Variants in NAT2 observed in about 807,000 individuals in gnomAD.
NAT2 encodes arylamine N-acetyltransferase 2.
For missense variants in NAT2, 428 were observed against 339.1 expected, an observed-to-expected ratio of 1.26 and a Z score of -2.06; for synonymous variants, 137 against 125.9, an observed-to-expected ratio of 1.09 and a Z score of -0.59.
At chr8:18,396,909 T>G (rs1484059853) in intron 1 of NAT2, among the ~76,000 whole-genome samples, 4 of 152,176 alleles carry the variant, frequency 2.6e-5, no homozygotes, top group Admixed American at 1.3e-4. Flanking sequence ...GGTAAACTGC[T>G]AACAATGAAT....
At chr8:18,396,005 A>G (rs1585137009) in intron 1 of NAT2, among the ~76,000 whole-genome samples, 2 of 141,846 alleles carry the variant, frequency 1.4e-5, no homozygotes, top group East Asian at 4.1e-4. Flanking sequence ...ATCTTTCACT[A>G]TCTCTTAATA....
intron 1 of NAT2, 110 bp from the exon 2 acceptor site, chr8:18,399,888 T>C (rs1800756991): frequency 4.9e-6 from 6 of 1,222,202 alleles, no homozygotes; most frequent in African/African-American, 1.5e-5. Context: ...CAGATACTTA[T>C]AACCATTGTG....
upstream of NAT2, among the ~76,000 whole-genome samples, chr8:18,390,822 T>A (rs754820348): frequency 2.6e-5 from 4 of 152,010 alleles, no homozygotes; most frequent in Non-Finnish European, 4.4e-5. Flanking sequence ...GGTAGAGAAG[T>A]GAATGAGAGT....
chr8:18,390,447 AGAT>A (rs202212040), upstream of NAT2, among the ~76,000 whole-genome samples: 377 of 152,324 alleles, frequency 2.5e-3, 3 homozygotes, highest in Non-Finnish European at 2.1e-3. Flanking sequence ...CATGACAAAG[AGAT>A]GATAAATGTT....
intron 1 of NAT2, among the ~76,000 whole-genome samples, chr8:18,394,092 TAAAAG>T (rs893112510): frequency 7.9e-5 from 12 of 151,638 alleles, no homozygotes; most frequent in African/African-American, 2.2e-4. Context: ...TTTGGATAGA[TAAAAG>T]AAAAGTACAG....
intron 1 of NAT2, among the ~76,000 whole-genome samples, chr8:18,392,808 C>G (rs1800611942): frequency 6.6e-6 from 1 of 152,128 alleles, no homozygotes; most frequent in Non-Finnish European, 1.5e-5. Flanking sequence ...TGGCCAGAAA[C>G]AGGTAAATTA....
At chr8:18,397,866 A>C (rs977386926) in intron 1 of NAT2, among the ~76,000 whole-genome samples, 2 of 151,964 alleles carry the variant, frequency 1.3e-5, no homozygotes, top group Non-Finnish European at 2.9e-5. Flanking sequence ...GGCTCTGGCA[A>C]ATTTTTTTTT....
At chr8:18,395,951 CT>C (rs33992151) in intron 1 of NAT2, among the ~76,000 whole-genome samples, 1,662 of 134,466 alleles carry the variant, frequency 0.012, 9 homozygotes, top group African/African-American at 0.026. Flanking sequence ...CCCAACCCAT[CT>C]TTTTTTTTTT....
Position 18,400,625 on chromosome 8 carries a change from T to C in NAT2, c.622T>C (p.Tyr208His), listed in dbSNP as rs56387565. ...TGAAGATTTTGAGTCTATGAATACA[T>C]ACCTGCAGACGTCTCCAACATCTTC... ...TIEDFESMNT[Y>H]LQTSPTSSFI... Residue 208 changes from tyrosine (Y) to histidine (H), a missense_variant, in exon 2 of 2, where the codon TAC becomes CAC. Coordinates refer to ENST00000286479, the MANE Select transcript of NAT2 (RefSeq NM_000015.3). 86 of 1,614,024 alleles carry C rather than the reference T, an allele frequency of 5.3e-5. No homozygotes were observed. In the African/African-American group the frequency reaches 9.9e-4, roughly 19 times the overall value.
upstream of NAT2, chr8:18,387,905 C>T (rs1392092392): frequency 6.5e-6 from 1 of 152,730 alleles, no homozygotes; most frequent in African/African-American, 2.4e-5. Context: ...ATTCCCCCCT[C>T]CCCTCCACTT....
upstream of NAT2, among the ~76,000 whole-genome samples, chr8:18,386,817 C>T (rs1443813294): frequency 6.6e-6 from 1 of 152,168 alleles, no homozygotes; most frequent in African/African-American, 2.4e-5. Context: ...CTGGTTCACT[C>T]TTTCCCTAGG....
chr8:18,391,026 G>A (rs1355222064), upstream of NAT2, among the ~76,000 whole-genome samples: 1 of 152,132 alleles, frequency 6.6e-6, no homozygotes, highest in Non-Finnish European at 1.5e-5. Flanking sequence ...TCTGGCATCA[G>A]ACTTCCAGAG....
intron 1 of NAT2, among the ~76,000 whole-genome samples, chr8:18,395,713 T>A (rs180699126): frequency 7.6e-4 from 115 of 152,288 alleles, no homozygotes; most frequent in African/African-American, 2.6e-3. Context: ...GGTAATAGCT[T>A]TGGAGAGATT....
Position 18,400,534 on chromosome 8 carries a change from T to G in NAT2, c.531T>G (p.Asn177Lys), listed in dbSNP as rs757090914. ...EQYITNKEFL[N>K]SHLLPKKKHQ... ...ATATTACAAACAAAGAATTTCTTAA[T>G]TCTCATCTCCTGCCAAAGAAGAAAC... Residue 177 changes from asparagine (N) to lysine (K), a missense_variant, in exon 2 of 2, where the codon AAT becomes AAG. By Grantham distance (94) the Asn-to-Lys change is moderately conservative. Transcript: ENST00000286479. The G allele has an allele frequency of 1.9e-6, 3 of 1,612,850 alleles. No homozygotes were observed. The highest frequency in any genetic ancestry group is 4.5e-5 in the East Asian group (2 of 44,860).
rs1315180839 is a variant in NAT2 at position 18,400,507 on chromosome 8, G to A, written c.504G>A (p.Gln168=). ...ACCTGGACCAAATCAGGAGAGAGCA[G>A]TATATTACAAACAAAGAATTTCTTA... ...IWYLDQIRRE[Q]YITNKEFLNS... The change falls in exon 2 of 2, where the codon CAG becomes CAA. Residue 168 remains glutamine (Q), a synonymous_variant. Coordinates refer to ENST00000286479, the MANE Select transcript of NAT2 (RefSeq NM_000015.3). The A allele has an allele frequency of 1.3e-5, 21 of 1,613,532 alleles. No individual in the cohort carries two copies. Among genetic ancestry groups the A allele is most frequent in the Non-Finnish European group, 1.7e-5 (20 of 1,179,848 alleles).
chr8:18,394,650 T>C (rs1800652798), intron 1 of NAT2, among the ~76,000 whole-genome samples: 1 of 152,106 alleles, frequency 6.6e-6, no homozygotes, highest in African/African-American at 2.4e-5. Flanking sequence ...CTTTTACCCA[T>C]TACAGGCCAG....
chr8:18,391,445 T>A (rs1465798662), intron 1 of NAT2, 100 bp downstream of exon 1: 1 of 151,388 alleles, frequency 6.6e-6, no homozygotes, highest in Non-Finnish European at 1.5e-5. Context: ...GATCCCCTCT[T>A]GTCCTAGGCG....
At position 18,400,292 on chromosome 8, in the gene NAT2, C is replaced by T; in HGVS notation, c.289C>T (p.Pro97Ser). 6.2e-7 allele frequency: 1 copy of T among 1,613,700 alleles called. No homozygotes were observed. The highest frequency in any genetic ancestry group is 1.1e-5 in the South Asian group (1 of 91,020). The stretch of plus-strand genomic sequence containing the variant: ...GTTAGGAGGGTATTTTTACATCCCT[C>T]CAGTTAACAAATACAGCACTGGCAT... ...TMLGGYFYIPPVNKYSTGMVH... is the reference protein window; with the variant it reads ...TMLGGYFYIPSVNKYSTGMVH... The change falls in exon 2 of 2, where the codon CCA (proline) becomes TCA (serine). Residue 97 changes from proline (P) to serine (S), a missense_variant. Pro to Ser is a moderately conservative substitution (Grantham distance 74, BLOSUM62 -1). Transcript: ENST00000286479.
chr8:18,390,768 CCACATG>C (rs1445489052), upstream of NAT2, among the ~76,000 whole-genome samples: 1 of 152,004 alleles, frequency 6.6e-6, no homozygotes, highest in African/African-American at 2.4e-5. Flanking sequence ...GACACTTATA[CCACATG>C]CATAGAGTTA....
Sources: allele counts gnomAD v4.1 joint callset (sites outside exome capture counted in the v4.1 genomes callset), GRCh38; gene constraint gnomAD v4.1.1; transcripts MANE v1.5; gene names NCBI Gene and HGNC (gene_info 2026-07-23, HGNC 2026-07-21).